COX15: variants seen among roughly 807,000 people sequenced by gnomAD.
COX15 encodes the protein cytochrome c oxidase assembly factor COX15, also known as heme A synthase COX15.
A neutral mutation model predicts 51.9 loss-of-function variants in COX15; 51 were observed. The ratio of observed to expected loss-of-function variants is 0.98; its 90% confidence interval spans 0.78 to 1.24. The LOEUF is 1.24. COX15 is among the 50% of genes most tolerant of loss of function. The pLI is 0.00. For synonymous variants in COX15, 188 were observed against 190.5 expected, an observed-to-expected ratio of 0.99 and a Z score of 0.11; for missense variants, 420 against 501.1, an observed-to-expected ratio of 0.84 and a Z score of 1.55.
In COX15 at chr10:99,714,280, GA is replaced by G; in HGVS notation, c.*306del. ...GTAGAAATCATCCACGTAGAACCAA[GA>G]GCTTGCCAACACTGAAAAACCTGAC... On this transcript the variant is annotated 3_prime_UTR_variant, in exon 9 of 9. Coordinates refer to ENST00000016171, the MANE Select transcript of COX15 (RefSeq NM_078470.6). The G allele has an allele frequency of 8.3e-7, 1 of 1,199,992 alleles. No individual in the cohort carries two copies. The highest frequency in any genetic ancestry group is 1.1e-6 in the Non-Finnish European group (1 of 951,406). The allele number at this position is 1,199,992 out of a possible 1,614,324, so 74.3% of individuals were successfully genotyped here.
chr10:99,724,205 A>C, intron 4 of COX15, 82 bp from the exon 5 acceptor site: 2 of 1,501,702 alleles, frequency 1.3e-6, no homozygotes, highest in East Asian at 4.6e-5. Context: ...TTTTTTTGAG[A>C]CAGAGTCTCA....
At chr10:99,721,698 T>C (rs1189741254) in intron 5 of COX15, among the ~76,000 whole-genome samples, 3 of 152,148 alleles carry the variant, frequency 2.0e-5, no homozygotes, top group Non-Finnish European at 2.9e-5. Flanking sequence ...TAACATATTA[T>C]AGGACAGTAT....
chr10:99,713,558 C>T lies in COX15; in HGVS notation c.*1029G>A. On this transcript the variant is annotated 3_prime_UTR_variant, in exon 9 of 9. Transcript: ENST00000016171. ...GTTTATCTGGGTAGATGTCCATGCA[C>T]TACACCATCAAGGCCATATTTTTCT... The T allele has an allele frequency of 1.3e-6, 2 of 1,549,444 alleles. No homozygotes were observed. Among genetic ancestry groups the T allele is most frequent in the Non-Finnish European group, 1.7e-6 (2 of 1,146,742 alleles).
At chr10:99,708,973 C>T, downstream of COX15, 2 of 985,424 alleles carry the variant, frequency 2.0e-6, no homozygotes, top group Non-Finnish European at 2.4e-6. Flanking sequence ...GACTGCTTTG[C>T]TCACATTTAG....
downstream of COX15, chr10:99,709,063 T>C (rs959839665): frequency 8.0e-5 from 79 of 982,666 alleles, no homozygotes; most frequent in Non-Finnish European, 9.1e-5. Flanking sequence ...GTATTTCTTT[T>C]CGTACTTTTA....
At chr10:99,702,963 A>C in the COX15 span, among the ~76,000 whole-genome samples, 1 of 152,190 alleles carries the variant, frequency 6.6e-6, no homozygotes, top group East Asian at 1.9e-4. Context: ...TTTAGGACTG[A>C]GCTCTTACTA....
At chr10:99,731,094 T>A (rs1477067775) in intron 1 of COX15, among the ~76,000 whole-genome samples, 4 of 152,192 alleles carry the variant, frequency 2.6e-5, no homozygotes, top group East Asian at 1.9e-4. Context: ...AGATTTTTTT[T>A]TAAAAAAAAG....
intron 2 of COX15, among the ~76,000 whole-genome samples, chr10:99,728,169 C>T (rs6584321): frequency 0.86 from 130,302 of 152,124 alleles, 55,865 homozygotes; most frequent in Middle Eastern, 0.92. Context: ...AAGATGAGCT[C>T]GGAACATCTT....
At chr10:99,706,782 T>C (rs957363277), downstream of COX15, among the ~76,000 whole-genome samples, 6 of 152,226 alleles carry the variant, frequency 3.9e-5, no homozygotes, top group African/African-American at 9.6e-5. Flanking sequence ...TGTCAAAATA[T>C]GTTTTAGCTG....
chr10:99,722,561 G>A (rs1307659736), intron 5 of COX15, among the ~76,000 whole-genome samples: 4 of 152,094 alleles, frequency 2.6e-5, no homozygotes, highest in Non-Finnish European at 4.4e-5. Flanking sequence ...TGATGGGCAC[G>A]GTGGCTCACA....
chr10:99,727,407 C>T (rs1351629337), intron 3 of COX15, 34 bp downstream of exon 3: 1 of 1,610,144 alleles, frequency 6.2e-7, no homozygotes, highest in Admixed American at 1.7e-5. Flanking sequence ...AATGGGCCTA[C>T]TGGGATGTTT....
chr10:99,729,819 G>T (rs2037081522), intron 1 of COX15, 85 bp from the exon 2 acceptor site: 3 of 1,304,618 alleles, frequency 2.3e-6, no homozygotes, highest in East Asian at 2.4e-5. Context: ...TTAGCGCGAA[G>T]TACCATAGCA....
At chr10:99,699,004 TGAG>T in the COX15 span, 7 of 719,092 alleles carry the variant, frequency 9.7e-6, no homozygotes, top group Admixed American at 2.2e-4. Flanking sequence ...ATTTTACAGA[TGAG>T]GAAGTGGACA....
At chr10:99,696,357 T>C in the COX15 span, among the ~76,000 whole-genome samples, 2 of 152,222 alleles carry the variant, frequency 1.3e-5, no homozygotes, top group African/African-American at 2.4e-5. Context: ...TATTGTGATC[T>C]CTTGCTGTTT....
In COX15 at chr10:99,715,380, C is replaced by A. The variant is rs886580456; in HGVS notation, c.1102-662G>T. Among the ~76,000 whole-genome samples, 8 of 152,224 alleles carry A rather than the reference C, an allele frequency of 5.3e-5. No individual in the cohort carries two copies. The South Asian group carries it at 1.7e-3, about 32-fold the overall frequency. On this transcript the variant is annotated intron_variant, in intron 8 of 8. Coordinates refer to ENST00000016171, the MANE Select transcript of COX15 (RefSeq NM_078470.6). ...TCTTGAACTCCTGACCTCAGGTAAT[C>A]CGCCCACCTCGGCCTCCCAAAGTGC...
At chr10:99,731,767 A>C (rs952516399) in intron 1 of COX15, among the ~76,000 whole-genome samples, 193 bp downstream of exon 1, 1 of 152,234 alleles carries the variant, frequency 6.6e-6, no homozygotes, top group Non-Finnish European at 1.5e-5. Context: ...CAGAAAGTTT[A>C]ATTAACTTGG....
the COX15 span, chr10:99,695,819 G>A: frequency 1.3e-6 from 1 of 746,432 alleles, no homozygotes; most frequent in East Asian, 2.9e-5. Flanking sequence ...TTAAAATAAT[G>A]CTATGAGGAT....
In COX15 at chr10:99,712,145, G is replaced by T; in HGVS notation, c.*2442C>A. 2.4e-6 allele frequency: 2 copies of T among 834,346 alleles called. No homozygotes were observed. The highest frequency in any genetic ancestry group is 2.9e-6 in the Non-Finnish European group (2 of 692,180). The allele number at this position is 834,346 out of a possible 1,614,324, so 51.7% of individuals were successfully genotyped here. ...CCATGACCCAAATACCTCCTACTAG[G>T]CCCACCTCTAACACTGAATGTCACA... On this transcript the variant is annotated 3_prime_UTR_variant, in exon 9 of 9. Coordinates refer to ENST00000016171, the MANE Select transcript of COX15 (RefSeq NM_078470.6).
the COX15 span, chr10:99,698,774 C>A: frequency 6.2e-7 from 1 of 1,614,234 alleles, no homozygotes; most frequent in Non-Finnish European, 8.5e-7. Flanking sequence ...AGTTCTACGG[C>A]TTCTCTGAGT....
Sources: allele counts gnomAD v4.1 joint callset (sites outside exome capture counted in the v4.1 genomes callset), GRCh38; gene constraint gnomAD v4.1.1; transcripts MANE v1.5; gene names NCBI Gene and HGNC (gene_info 2026-07-23, HGNC 2026-07-21).